Variants in KAZN observed in about 807,000 individuals in gnomAD.
KAZN encodes the protein kazrin.
KAZN carries 40 observed loss-of-function variants against 87.4 expected under a neutral mutation model. The ratio of observed to expected loss-of-function variants is 0.46; its 90% CI spans 0.36 to 0.60. KAZN has a LOEUF of 0.60. KAZN is among the 20% of genes least tolerant of loss of function. The probability of loss-of-function intolerance (pLI) is 0.00; values close to 1 mark genes in which losing one functional copy is unlikely to be tolerated. For missense variants in KAZN, 898 were observed against 1,073.9 expected, an observed-to-expected ratio of 0.84 and a Z score of 2.29; for synonymous variants, 466 against 458.3, an observed-to-expected ratio of 1.02 and a Z score of -0.22.
intron 2 of KAZN, among the ~76,000 whole-genome samples, chr1:14,364,626 T>C (rs560849167): frequency 2.6e-5 from 4 of 152,326 alleles, no homozygotes; most frequent in South Asian, 2.1e-4. Context: ...CTAAGGGATA[T>C]ATATTTATTT....
intron 1 of KAZN, among the ~76,000 whole-genome samples, chr1:14,750,944 A>G (rs998715911): frequency 1.3e-5 from 2 of 152,214 alleles, no homozygotes; most frequent in Non-Finnish European, 2.9e-5. Flanking sequence ...GCTCCCACCT[A>G]CAAGTGAGCA....
chr1:14,143,089 G>A lies in KAZN; in HGVS notation c.92-37346G>A, dbSNP rs181544809. Among the ~76,000 whole-genome samples the A allele has an allele frequency of 4.6e-5, 7 of 152,328 alleles. No individual in the cohort carries two copies. The East Asian group carries it at 1.3e-3, about 29-fold the overall frequency. On this transcript the variant is annotated intron_variant, in intron 1 of 16. Transcript: ENST00000636203. ...AGCATAGGTTCCAAGACAGCTCTCA[G>A]CATGGCCCCATAGTGGCAGGAGGGA...
chr1:14,231,949 T>A (rs1647897211), intron 2 of KAZN, among the ~76,000 whole-genome samples: 1 of 152,082 alleles, frequency 6.6e-6, no homozygotes. Flanking sequence ...GTTGTCAGCT[T>A]AAGGGAAGGG....
chr1:14,534,975 T>A (rs1266979967), intron 2 of KAZN, among the ~76,000 whole-genome samples: 1 of 152,212 alleles, frequency 6.6e-6, no homozygotes, highest in Non-Finnish European at 1.5e-5. Context: ...CTCATCTTCA[T>A]GCAACCCTAC....
intron 1 of KAZN, among the ~76,000 whole-genome samples, chr1:14,607,045 G>A (rs1677424607): frequency 6.6e-6 from 1 of 152,130 alleles, no homozygotes; most frequent in Non-Finnish European, 1.5e-5. Flanking sequence ...GCAGTGCTTT[G>A]TACATAATGT....
At chr1:14,790,708 C>A (rs1455141597) in intron 1 of KAZN, among the ~76,000 whole-genome samples, 1 of 152,076 alleles carries the variant, frequency 6.6e-6, no homozygotes. Context: ...TGGAGGAATC[C>A]GGTGACTTCT....
chr1:14,495,565 C>A (rs1003768021), intron 2 of KAZN, among the ~76,000 whole-genome samples: 9 of 148,628 alleles, frequency 6.1e-5, no homozygotes, highest in Non-Finnish European at 1.3e-4. Context: ...TAGCTTATTT[C>A]TTGAATTCCC....
chr1:14,628,850 T>TA lies in KAZN; in HGVS notation c.226+29627_226+29628insA, dbSNP rs1223015378. Among the ~76,000 whole-genome samples the TA allele has an allele frequency of 2.6e-5, 4 of 151,210 alleles. No homozygotes were observed. The East Asian group carries it at 7.8e-4, about 29-fold the overall frequency. On this transcript the variant is annotated intron_variant, in intron 1 of 14. Coordinates refer to ENST00000376030, the MANE Select transcript of KAZN (RefSeq NM_201628.3). ...GTCACATCTTTCACATTCTTTTTTT[T>TA]TTTTTTTTTTTTTATAGATGGAGTC...
chr1:14,963,611 T>TTTG (rs941024743), intron 2 of KAZN, among the ~76,000 whole-genome samples: 27 of 152,296 alleles, frequency 1.8e-4, no homozygotes, highest in African/African-American at 5.8e-4. Flanking sequence ...GATGCATTTT[T>TTTG]TTGTTGTTGT....
intron 1 of KAZN, among the ~76,000 whole-genome samples, chr1:14,695,591 T>G (rs773741772): frequency 6.7e-6 from 1 of 149,020 alleles, no homozygotes; most frequent in African/African-American, 2.5e-5. Flanking sequence ...TTGCAACCTC[T>G]GCCTCCCAGG....
intron 1 of KAZN, among the ~76,000 whole-genome samples, chr1:14,054,336 T>C (rs1372639486): frequency 6.6e-6 from 1 of 152,216 alleles, no homozygotes; most frequent in Non-Finnish European, 1.5e-5. Flanking sequence ...AAAACTATCT[T>C]GGGCCCCTGG....
At chr1:15,050,293 G>A (rs145937161) in intron 4 of KAZN, among the ~76,000 whole-genome samples, 16 of 152,148 alleles carry the variant, frequency 1.1e-4, no homozygotes, top group African/African-American at 1.7e-4. Flanking sequence ...TGCAGAACTC[G>A]GTCAGCGTTC....
At chr1:14,825,811 G>A (rs922181649) in intron 1 of KAZN, among the ~76,000 whole-genome samples, 2 of 152,178 alleles carry the variant, frequency 1.3e-5, no homozygotes, top group Non-Finnish European at 2.9e-5. Flanking sequence ...TTCTGTCCAT[G>A]TGTCCACTGC....
chr1:14,649,110 C>A (rs765290765), intron 1 of KAZN, among the ~76,000 whole-genome samples: 29 of 152,202 alleles, frequency 1.9e-4, no homozygotes, highest in Non-Finnish European at 3.8e-4. Context: ...GGTTGGTTGC[C>A]CTGGTGCAGG....
At chr1:14,002,580 G>A (rs1156272507) in intron 1 of KAZN, among the ~76,000 whole-genome samples, 1 of 152,176 alleles carries the variant, frequency 6.6e-6, no homozygotes, top group Non-Finnish European at 1.5e-5. Context: ...GGTTTTGGGT[G>A]CGTCTTTATC....
chr1:14,529,521 T>C (rs981146189), intron 2 of KAZN, among the ~76,000 whole-genome samples: 7 of 151,978 alleles, frequency 4.6e-5, no homozygotes, highest in Non-Finnish European at 8.8e-5. Context: ...GAGAGAAGAG[T>C]GTCTTGTAGA....
chr1:14,016,536 G>A (rs1475234268), intron 1 of KAZN, among the ~76,000 whole-genome samples: 1 of 152,066 alleles, frequency 6.6e-6, no homozygotes. Context: ...AGTGTTGGGG[G>A]CATGTTTATG....
intron 1 of KAZN, among the ~76,000 whole-genome samples, chr1:14,080,609 C>G (rs528668700): frequency 1.5e-3 from 234 of 152,312 alleles, no homozygotes; most frequent in African/African-American, 5.3e-3. Context: ...CTTCATTGGT[C>G]ATTTTGAGGA....
chr1:14,168,797 G>C (rs542220841), intron 1 of KAZN, among the ~76,000 whole-genome samples: 1 of 152,288 alleles, frequency 6.6e-6, no homozygotes, highest in South Asian at 2.1e-4. Context: ...TCGAGACTCT[G>C]TTTCCTCAAC....
Sources: gnomAD v4.1 joint callset for allele counts (sites outside exome capture counted in the v4.1 genomes callset) on GRCh38, gnomAD v4.1.1 for gene constraint, MANE v1.5 for transcripts, NCBI Gene and HGNC (gene_info 2026-07-23, HGNC 2026-07-21) for gene names.